The following TAFA2 variants were observed in gnomAD, a reference collection of about 807,000 sequenced individuals.
TAFA2 encodes the protein chemokine-like protein TAFA-2.
TAFA2 carries 7 observed loss-of-function variants against 18.8 expected under a neutral mutation model. That is an observed-to-expected ratio of 0.37 (90% CI 0.21 to 0.70). TAFA2 has a LOEUF of 0.70. Ranked by LOEUF, TAFA2 falls within the 30% of genes least tolerant of loss-of-function variation. The probability of loss-of-function intolerance (pLI) is 0.53; values close to 1 mark genes in which losing one functional copy is unlikely to be tolerated. For missense variants in TAFA2, 122 were observed against 158.1 expected (o/e 0.77, Z 1.23); for synonymous variants, 60 against 54.2 (o/e 1.11, Z -0.47).
In TAFA2 at chr12:62,015,223, G is replaced by T. The variant is rs111665345; in HGVS notation, c.-1-147797C>A. On this transcript the variant is annotated intron_variant, in intron 1 of 4. Coordinates refer to ENST00000416284, the MANE Select transcript of TAFA2 (RefSeq NM_178539.5). ...ATCATTTGTTTGTTCACTTTTTATAGCTTGGGTTCTTCACTAAACTAGGGC... is the reference window on the plus strand; with the variant it reads ...ATCATTTGTTTGTTCACTTTTTATATCTTGGGTTCTTCACTAAACTAGGGC... Among the ~76,000 whole-genome samples, 498 of 152,134 alleles carry T rather than the reference G, an allele frequency of 3.3e-3. 1 individual carries two copies. The highest frequency in any genetic ancestry group is 0.011 in the African/African-American group (472 of 41,492).
intron 1 of TAFA2, among the ~76,000 whole-genome samples, chr12:62,049,007 T>C (rs17125738): frequency 0.029 from 4,491 of 152,266 alleles, 154 homozygotes; most frequent in African/African-American, 0.079. Flanking sequence ...AGTTGAAATA[T>C]AATAAGATGG....
intron 2 of TAFA2, among the ~76,000 whole-genome samples, chr12:61,786,679 T>C (rs1014868121): frequency 6.6e-6 from 1 of 151,464 alleles, no homozygotes; most frequent in East Asian, 1.9e-4. Flanking sequence ...CTACAATGTA[T>C]GTAATGAAAC....
At chr12:61,928,536 G>A (rs1877408148) in intron 1 of TAFA2, among the ~76,000 whole-genome samples, 1 of 152,106 alleles carries the variant, frequency 6.6e-6, no homozygotes, top group Non-Finnish European at 1.5e-5. Flanking sequence ...GGGAGGATAT[G>A]GAGAAATAAG....
At chr12:61,975,514 CGTGT>C (rs3031098) in intron 1 of TAFA2, among the ~76,000 whole-genome samples, 7 of 136,560 alleles carry the variant, frequency 5.1e-5, no homozygotes, top group South Asian at 4.9e-4. Context: ...CAATAATATT[CGTGT>C]GTGTGTGTGT....
chr12:61,957,567 T>C (rs1399078421), intron 1 of TAFA2, among the ~76,000 whole-genome samples: 4 of 152,074 alleles, frequency 2.6e-5, no homozygotes, highest in African/African-American at 9.7e-5. Flanking sequence ...CTCACTAAAC[T>C]GACTTAGCAG....
At chr12:62,110,802 T>C (rs1565747796) in intron 1 of TAFA2, among the ~76,000 whole-genome samples, 1 of 152,116 alleles carries the variant, frequency 6.6e-6, no homozygotes, top group Non-Finnish European at 1.5e-5. Context: ...TATTCTCTGG[T>C]GGTAGTTTAT....
At chr12:62,096,934 T>C (rs760365783) in intron 1 of TAFA2, among the ~76,000 whole-genome samples, 1 of 152,082 alleles carries the variant, frequency 6.6e-6, no homozygotes, top group Non-Finnish European at 1.5e-5. Flanking sequence ...ACACCCCAAG[T>C]TGCAAAACTG....
At chr12:62,140,921 C>T (rs1004225255) in intron 1 of TAFA2, among the ~76,000 whole-genome samples, 3 of 152,116 alleles carry the variant, frequency 2.0e-5, no homozygotes, top group African/African-American at 7.2e-5. Flanking sequence ...AACAGATGAG[C>T]CCCTGGTAGA....
At chr12:61,889,713 G>T (rs1042918630) in intron 1 of TAFA2, among the ~76,000 whole-genome samples, 1 of 152,176 alleles carries the variant, frequency 6.6e-6, no homozygotes, top group African/African-American at 2.4e-5. Flanking sequence ...AAAGTGAATT[G>T]CGCCAACCGC....
At chr12:61,970,294 T>C (rs1382024212) in intron 1 of TAFA2, among the ~76,000 whole-genome samples, 1 of 151,624 alleles carries the variant, frequency 6.6e-6, no homozygotes, top group Non-Finnish European at 1.5e-5. Flanking sequence ...CAGGGTAAAA[T>C]TTGTTAACAA....
At chr12:62,157,271 T>C (rs2136926187) in intron 1 of TAFA2, among the ~76,000 whole-genome samples, 1 of 152,314 alleles carries the variant, frequency 6.6e-6, no homozygotes, top group South Asian at 2.1e-4. Flanking sequence ...AAGAGGATTT[T>C]TTTTTATTTA....
intron 4 of TAFA2, among the ~76,000 whole-genome samples, chr12:61,744,539 T>A (rs1389743427): frequency 6.6e-6 from 1 of 152,074 alleles, no homozygotes; most frequent in Non-Finnish European, 1.5e-5. Context: ...GCTCTTAAAT[T>A]TAAAATATCA....
At chr12:61,860,013 G>T (rs148191230) in intron 2 of TAFA2, among the ~76,000 whole-genome samples, 220 of 152,290 alleles carry the variant, frequency 1.4e-3, no homozygotes, top group African/African-American at 4.9e-3. Context: ...AACTCTGCCT[G>T]CATGGTTTAA....
intron 2 of TAFA2, among the ~76,000 whole-genome samples, chr12:61,834,638 A>G (rs770425644): frequency 1.2e-4 from 18 of 152,014 alleles, no homozygotes; most frequent in Non-Finnish European, 2.4e-4. Context: ...CTTCCTGGGA[A>G]AGATGTCAAC....
intron 2 of TAFA2, chr12:61,776,228 T>C (rs1424799534): frequency 1.6e-5 from 3 of 192,314 alleles, no homozygotes; most frequent in South Asian, 9.1e-5. Context: ...AGAGCTGAAA[T>C]AGCTTCCTGA....
chr12:62,247,539 A>C (rs2062892591), intron 1 of TAFA2, among the ~76,000 whole-genome samples: 1 of 152,194 alleles, frequency 6.6e-6, no homozygotes, highest in Non-Finnish European at 1.5e-5. Flanking sequence ...AAAGTACAAA[A>C]CCGCATTTTT....
chr12:61,881,960 A>C (rs2121273178), intron 1 of TAFA2, among the ~76,000 whole-genome samples: 1 of 152,192 alleles, frequency 6.6e-6, no homozygotes, highest in Admixed American at 6.5e-5. Context: ...TACAAAAAAA[A>C]AATCTTGGTT....
intron 1 of TAFA2, among the ~76,000 whole-genome samples, chr12:62,156,563 C>A (rs982183702): frequency 2.0e-5 from 3 of 151,970 alleles, no homozygotes; most frequent in Admixed American, 6.6e-5. Flanking sequence ...CATTAATCAA[C>A]AAGAGGATAA....
At chr12:62,246,164 T>A (rs2062885225) in intron 1 of TAFA2, among the ~76,000 whole-genome samples, 1 of 152,128 alleles carries the variant, frequency 6.6e-6, no homozygotes, top group Non-Finnish European at 1.5e-5. Flanking sequence ...TTTTTTGTAT[T>A]TTTAGTAGAG....
Sources: gnomAD v4.1 joint callset for allele counts (sites outside exome capture counted in the v4.1 genomes callset) on GRCh38, gnomAD v4.1.1 for gene constraint, MANE v1.5 for transcripts, NCBI Gene and HGNC (gene_info 2026-07-23, HGNC 2026-07-21) for gene names.